ASIC2: variants seen among roughly 807,000 people sequenced by gnomAD.
ASIC2 encodes acid sensing ion channel subunit 2.
Under a neutral mutation model 57.3 loss-of-function variants are expected in ASIC2, and 25 were observed. The observed-to-expected ratio is 0.44, with a 90% CI of 0.32 to 0.61. The LOEUF (loss-of-function observed/expected upper bound fraction) is 0.61, where lower values mean the gene tolerates loss of function less well. Ranked by LOEUF, ASIC2 falls within the 20% of genes least tolerant of loss-of-function variation. ASIC2 has a pLI of 0.06. For missense variants in ASIC2, 641 were observed against 738.1 expected (o/e 0.87, Z 1.52); for synonymous variants, 319 against 307.5 (o/e 1.04, Z -0.39).
intron 1 of ASIC2, among the ~76,000 whole-genome samples, chr17:33,985,168 A>G (rs1905772168): frequency 1.3e-5 from 2 of 152,198 alleles, no homozygotes; most frequent in African/African-American, 4.8e-5. Context: ...TGAGTAGGAC[A>G]TTTCAGCTCA....
At chr17:33,885,559 G>GA (rs980504674) in intron 1 of ASIC2, among the ~76,000 whole-genome samples, 1 of 152,050 alleles carries the variant, frequency 6.6e-6, no homozygotes, top group Admixed American at 6.5e-5. Context: ...CTTTGCAGAA[G>GA]AAAAAAATGA....
chr17:33,400,057 A>G (rs1910227715), intron 1 of ASIC2, among the ~76,000 whole-genome samples: 1 of 152,234 alleles, frequency 6.6e-6, no homozygotes. Context: ...TGGACCATAC[A>G]TTATTAATTT....
At chr17:34,020,544 G>C (rs766660139) in intron 1 of ASIC2, among the ~76,000 whole-genome samples, 17 of 152,160 alleles carry the variant, frequency 1.1e-4, no homozygotes, top group Admixed American at 2.0e-4. Flanking sequence ...CTGTCGAGCA[G>C]AAGAAGTTAG....
At chr17:33,308,001 C>T (rs1328412836) in intron 1 of ASIC2, among the ~76,000 whole-genome samples, 5 of 152,166 alleles carry the variant, frequency 3.3e-5, no homozygotes, top group African/African-American at 1.2e-4. Flanking sequence ...CATCTCAGTG[C>T]CATAGGTTCT....
At chr17:33,804,670 G>T (rs1182896531) in intron 1 of ASIC2, among the ~76,000 whole-genome samples, 1 of 152,152 alleles carries the variant, frequency 6.6e-6, no homozygotes, top group Non-Finnish European at 1.5e-5. Flanking sequence ...AAGAGGGAGA[G>T]CTCTGGGCAT....
chr17:33,612,472 T>C (rs1193335635), intron 1 of ASIC2, among the ~76,000 whole-genome samples: 2 of 152,206 alleles, frequency 1.3e-5, no homozygotes, highest in Admixed American at 6.5e-5. Context: ...CTTTTCATGC[T>C]CTACACATTT....
At chr17:33,467,258 T>C (rs545516185) in intron 1 of ASIC2, among the ~76,000 whole-genome samples, 1 of 152,298 alleles carries the variant, frequency 6.6e-6, no homozygotes, top group Admixed American at 6.5e-5. Flanking sequence ...TATTTTTTTT[T>C]AAGTTTAAAA....
intron 1 of ASIC2, among the ~76,000 whole-genome samples, chr17:33,177,867 G>T (rs1425506514): frequency 6.6e-6 from 1 of 152,130 alleles, no homozygotes; most frequent in Non-Finnish European, 1.5e-5. Flanking sequence ...TCTCAAAGGG[G>T]GCTGGTCTAG....
intron 1 of ASIC2, among the ~76,000 whole-genome samples, chr17:33,531,268 G>C (rs72823246): frequency 0.01 from 1,594 of 151,916 alleles, 17 homozygotes; most frequent in Non-Finnish European, 0.017. Flanking sequence ...AGTGTGCTTT[G>C]TTTCTGTAGT....
At chr17:33,375,109 T>C (rs1909228169) in intron 1 of ASIC2, among the ~76,000 whole-genome samples, 1 of 152,144 alleles carries the variant, frequency 6.6e-6, no homozygotes, top group Admixed American at 6.5e-5. Context: ...AGTAAATACA[T>C]AGTATGTCAG....
chr17:33,857,370 G>A (rs1374792604), intron 1 of ASIC2, among the ~76,000 whole-genome samples: 1 of 152,216 alleles, frequency 6.6e-6, no homozygotes, highest in African/African-American at 2.4e-5. Flanking sequence ...GAAAGGCAAG[G>A]TGAGAGATGA....
At chr17:34,099,729 A>C (rs1195980450) in intron 1 of ASIC2, among the ~76,000 whole-genome samples, 1 of 119,588 alleles carries the variant, frequency 8.4e-6, no homozygotes, top group Non-Finnish European at 1.7e-5. Context: ...AAAGAAGGAA[A>C]GAAGGAAAGA....
At chr17:33,681,896 G>T (rs1419607332) in intron 1 of ASIC2, among the ~76,000 whole-genome samples, 1 of 152,106 alleles carries the variant, frequency 6.6e-6, no homozygotes, top group African/African-American at 2.4e-5. Context: ...TCGTCTAGTG[G>T]CTGGAACATG....
chr17:33,174,315 G>A (rs1354281394), intron 1 of ASIC2, among the ~76,000 whole-genome samples: 1 of 151,880 alleles, frequency 6.6e-6, no homozygotes, highest in Admixed American at 6.6e-5. Context: ...CAGCTACTCA[G>A]GAGGCTGAAG....
At chr17:33,247,804 T>C (rs1908744109) in intron 1 of ASIC2, among the ~76,000 whole-genome samples, 1 of 152,142 alleles carries the variant, frequency 6.6e-6, no homozygotes, top group Non-Finnish European at 1.5e-5. Context: ...CATGCACTCA[T>C]TTTTCTGAGC....
intron 1 of ASIC2, among the ~76,000 whole-genome samples, chr17:33,628,134 G>C (rs2347555): frequency 0.4 from 60,214 of 151,946 alleles, 13,118 homozygotes; most frequent in African/African-American, 0.58. Flanking sequence ...GGATGCCAAT[G>C]TCCTCCCATT....
chr17:33,784,084 G>A (rs989891696), intron 1 of ASIC2, among the ~76,000 whole-genome samples: 1 of 152,188 alleles, frequency 6.6e-6, no homozygotes, highest in Admixed American at 6.5e-5. Context: ...GAAGTTTTGT[G>A]AGGTTGGGGG....
At chr17:33,985,304 T>C (rs563180888) in intron 1 of ASIC2, among the ~76,000 whole-genome samples, 59 of 152,234 alleles carry the variant, frequency 3.9e-4, no homozygotes, top group African/African-American at 1.3e-3. Flanking sequence ...CACTCACACA[T>C]ACGACTTCTT....
intron 1 of ASIC2, among the ~76,000 whole-genome samples, chr17:33,414,237 G>A (rs1275309473): frequency 6.6e-6 from 1 of 152,216 alleles, no homozygotes; most frequent in Non-Finnish European, 1.5e-5. Context: ...ACCCAAAGAG[G>A]AGGGGAGAGT....
Sources: gnomAD v4.1 joint callset for allele counts (sites outside exome capture counted in the v4.1 genomes callset) on GRCh38, gnomAD v4.1.1 for gene constraint, MANE v1.5 for transcripts, NCBI Gene and HGNC (gene_info 2026-07-23, HGNC 2026-07-21) for gene names.